Variants in SUGCT observed in about 807,000 individuals in gnomAD.
SUGCT encodes succinyl-CoA:glutarate CoA-transferase.
SUGCT carries 41 observed loss-of-function variants against 55.0 expected under a neutral mutation model. That is an observed-to-expected ratio of 0.74 (90% CI 0.58 to 0.97). The LOEUF (loss-of-function observed/expected upper bound fraction) is 0.97. Among genes scored for constraint, SUGCT ranks in the 50% least tolerant of loss-of-function variants. SUGCT has a pLI of 0.00. For synonymous variants in SUGCT, 187 were observed against 200.4 expected (o/e 0.93, Z 0.56); for missense variants, 568 against 547.8 (o/e 1.04, Z -0.37).
At chr7:40,738,588 C>T (rs569732031) in intron 12 of SUGCT, among the ~76,000 whole-genome samples, 1 of 152,280 alleles carries the variant, frequency 6.6e-6, no homozygotes, top group South Asian at 2.1e-4. Flanking sequence ...AAACAAAATG[C>T]ATTACTGTTC....
chr7:40,768,937 G>A (rs182532663), intron 13 of SUGCT, among the ~76,000 whole-genome samples: 5 of 152,288 alleles, frequency 3.3e-5, no homozygotes, highest in Non-Finnish European at 5.9e-5. Flanking sequence ...GCTTGAAATC[G>A]TGTCCTGTGC....
At chr7:40,301,835 G>T (rs1794558706) in intron 8 of SUGCT, among the ~76,000 whole-genome samples, 1 of 152,150 alleles carries the variant, frequency 6.6e-6, no homozygotes, top group Admixed American at 6.5e-5. Flanking sequence ...CTGGGACTTG[G>T]TTCATGAGCT....
chr7:40,689,634 G>A (rs1388271401), intron 12 of SUGCT, among the ~76,000 whole-genome samples: 1 of 152,064 alleles, frequency 6.6e-6, no homozygotes, highest in African/African-American at 2.4e-5. Context: ...TGGAATCCTG[G>A]TGCAAATGAG....
intron 9 of SUGCT, among the ~76,000 whole-genome samples, chr7:40,355,913 G>A (rs761267093): frequency 6.6e-6 from 1 of 152,186 alleles, no homozygotes; most frequent in Non-Finnish European, 1.5e-5. Flanking sequence ...TTCATTGCCT[G>A]GAAGGCATTT....
chr7:40,746,112 A>G (rs1405366263), intron 12 of SUGCT, among the ~76,000 whole-genome samples: 6 of 152,174 alleles, frequency 3.9e-5, no homozygotes, highest in Non-Finnish European at 7.3e-5. Context: ...TGGCAAAGTT[A>G]AGTGTCAAAC....
At chr7:40,344,369 T>C (rs1417233351) in intron 9 of SUGCT, among the ~76,000 whole-genome samples, 1 of 152,196 alleles carries the variant, frequency 6.6e-6, no homozygotes, top group African/African-American at 2.4e-5. Flanking sequence ...ATTTTCGATA[T>C]TGCAGGGGTG....
At chr7:40,245,498 G>A (rs898819774) in intron 7 of SUGCT, among the ~76,000 whole-genome samples, 11 of 129,462 alleles carry the variant, frequency 8.5e-5, no homozygotes, top group South Asian at 2.5e-4. Context: ...GGAGTGCAGC[G>A]GCATGATCTC....
chr7:40,569,300 C>T (rs1457484166), intron 12 of SUGCT, among the ~76,000 whole-genome samples: 1 of 152,176 alleles, frequency 6.6e-6, no homozygotes, highest in Non-Finnish European at 1.5e-5. Flanking sequence ...TTGGCCAAGG[C>T]ACTGCTCCCC....
chr7:40,289,694 A>C (rs1331801627), intron 8 of SUGCT, among the ~76,000 whole-genome samples: 5 of 152,308 alleles, frequency 3.3e-5, no homozygotes, highest in Non-Finnish European at 4.4e-5. Context: ...GTATTCAATT[A>C]AGAAAAGAGG....
intron 13 of SUGCT, among the ~76,000 whole-genome samples, chr7:40,764,084 C>T (rs150252819): frequency 5.3e-5 from 8 of 152,090 alleles, no homozygotes; most frequent in Non-Finnish European, 8.8e-5. Flanking sequence ...ACAGAAAGCA[C>T]CCCCACCAAA....
intron 13 of SUGCT, among the ~76,000 whole-genome samples, chr7:40,849,538 G>GTT (rs1563047050): frequency 6.6e-6 from 1 of 152,124 alleles, no homozygotes; most frequent in African/African-American, 2.4e-5. Context: ...TTTCCCCCAT[G>GTT]TTTTTGGCTA....
chr7:40,995,828 T>G, the SUGCT span, among the ~76,000 whole-genome samples: 2 of 152,178 alleles, frequency 1.3e-5, no homozygotes, highest in Admixed American at 6.5e-5. Context: ...CCAATCTCCT[T>G]CAGGCAGAAT....
At chr7:40,252,247 C>T (rs1204539497) in intron 7 of SUGCT, among the ~76,000 whole-genome samples, 1 of 152,124 alleles carries the variant, frequency 6.6e-6, no homozygotes, top group South Asian at 2.1e-4. Flanking sequence ...CCCACCTCAG[C>T]CCCCCAGGTA....
chr7:40,730,768 A>G (rs1305988854), intron 12 of SUGCT, among the ~76,000 whole-genome samples: 2 of 152,312 alleles, frequency 1.3e-5, no homozygotes, highest in African/African-American at 2.4e-5. Context: ...GATCTCACAT[A>G]TAAGTGTAAT....
At chr7:41,033,614 G>A in the SUGCT span, among the ~76,000 whole-genome samples, 1 of 152,048 alleles carries the variant, frequency 6.6e-6, no homozygotes, top group African/African-American at 2.4e-5. Context: ...GGGGATGGGA[G>A]GTATGCATGC....
intron 12 of SUGCT, among the ~76,000 whole-genome samples, chr7:40,722,724 A>G (rs1268896024): frequency 6.6e-6 from 1 of 152,130 alleles, no homozygotes; most frequent in Non-Finnish European, 1.5e-5. Flanking sequence ...TTCAATACCT[A>G]TCTGTTTCTT....
chr7:41,034,115 G>T, the SUGCT span, among the ~76,000 whole-genome samples: 1 of 152,154 alleles, frequency 6.6e-6, no homozygotes, highest in Non-Finnish European at 1.5e-5. Context: ...AATAGGTCAT[G>T]AAACCAATAC....
chr7:40,928,396 C>G, the SUGCT span, among the ~76,000 whole-genome samples: 1 of 151,976 alleles, frequency 6.6e-6, no homozygotes, highest in African/African-American at 2.4e-5. Context: ...TACTATCTTT[C>G]ACTTAATTAA....
At chr7:40,772,439 A>T (rs891995524) in intron 13 of SUGCT, among the ~76,000 whole-genome samples, 2 of 152,122 alleles carry the variant, frequency 1.3e-5, no homozygotes. Context: ...TCCAGCATTC[A>T]TCGTGATAGA....
Sources: allele counts gnomAD v4.1 joint callset (sites outside exome capture counted in the v4.1 genomes callset), GRCh38; gene constraint gnomAD v4.1.1; transcripts MANE v1.5; gene names NCBI Gene and HGNC (gene_info 2026-07-23, HGNC 2026-07-21).